PPM1B: variants seen among roughly 807,000 people sequenced by gnomAD.
The protein encoded by PPM1B is protein phosphatase 1B.
PPM1B carries 22 observed loss-of-function variants against 43.0 expected under a neutral mutation model. The observed-to-expected ratio is 0.51, with a 90% CI of 0.37 to 0.73. PPM1B has a LOEUF of 0.73. Ranked by LOEUF, PPM1B falls within the 30% of genes least tolerant of loss-of-function variation. PPM1B has a pLI of 0.00. For synonymous variants in PPM1B, 217 were observed against 197.9 expected (o/e 1.10, Z -0.81); for missense variants, 632 against 584.2 (o/e 1.08, Z -0.84).
At chr2:44,236,288 A>T (rs756821766), downstream of PPM1B, among the ~76,000 whole-genome samples, 4 of 151,352 alleles carry the variant, frequency 2.6e-5, no homozygotes, top group Non-Finnish European at 5.9e-5. Context: ...CTGTAGTCCT[A>T]GCTACTCGGG....
Position 44,169,147 on chromosome 2 carries a change from C to CGGCGGAGGT in PPM1B, c.-137_-136insAGGTGGCGG. 1 of 173,512 alleles carries CGGCGGAGGT rather than the reference C, an allele frequency of 5.8e-6. No homozygotes were observed. Among genetic ancestry groups the CGGCGGAGGT allele is most frequent in the Non-Finnish European group, 1.2e-5 (1 of 80,836 alleles). 10.7% of individuals were successfully genotyped at this position (173,512 alleles called of 1,614,324 possible). A position where few individuals can be genotyped will look rare whatever the true frequency, so the allele number is the denominator to read the frequency against. On this transcript the variant is annotated 5_prime_UTR_variant, in exon 1 of 6. Transcript: ENST00000282412. ...CGGGCGGTGTAAACAGCCCCGGAGG[C>CGGCGGAGGT]GGCGGTCGAGACCCCGAGGGGGAAG...
At chr2:44,195,883 G>C (rs759289887) in intron 1 of PPM1B, among the ~76,000 whole-genome samples, 78 of 152,294 alleles carry the variant, frequency 5.1e-4, no homozygotes, top group South Asian at 8.3e-4. Flanking sequence ...GCCTGACCGT[G>C]TTGAAATCCT....
intron 5 of PPM1B, among the ~76,000 whole-genome samples, chr2:44,223,845 G>A (rs7556994): frequency 4.8e-4 from 53 of 109,728 alleles, no homozygotes; most frequent in Non-Finnish European, 6.1e-4. Context: ...AAAAAAAAAA[G>A]AGAGAGAGAG....
At chr2:44,234,857 T>C (rs984736531), downstream of PPM1B, among the ~76,000 whole-genome samples, 1 of 152,220 alleles carries the variant, frequency 6.6e-6, no homozygotes, top group Non-Finnish European at 1.5e-5. Flanking sequence ...AATAATTGTC[T>C]TATAAGTTAG....
At chr2:44,178,462 A>G (rs1055255015) in intron 1 of PPM1B, among the ~76,000 whole-genome samples, 12 of 101,190 alleles carry the variant, frequency 1.2e-4, no homozygotes, top group African/African-American at 4.4e-4. Context: ...GTATATATAT[A>G]TATATATATA....
At chr2:44,190,795 A>G (rs983483480) in intron 1 of PPM1B, among the ~76,000 whole-genome samples, 38 of 152,304 alleles carry the variant, frequency 2.5e-4, no homozygotes, top group African/African-American at 8.7e-4. Flanking sequence ...TTGTTGACTA[A>G]GTTTTACTGT....
At chr2:44,235,932 A>G (rs912910669), downstream of PPM1B, among the ~76,000 whole-genome samples, 8 of 152,076 alleles carry the variant, frequency 5.3e-5, no homozygotes, top group African/African-American at 1.9e-4. Context: ...TATTAAAAAA[A>G]ACTCAAATTT....
At chr2:44,176,486 A>G (rs1667585726) in intron 1 of PPM1B, among the ~76,000 whole-genome samples, 1 of 152,136 alleles carries the variant, frequency 6.6e-6, no homozygotes, top group Non-Finnish European at 1.5e-5. Context: ...TATATTTATC[A>G]CTGCTTCTCC....
At chr2:44,209,393 C>G (rs766587210) in intron 3 of PPM1B, 66 bp downstream of exon 3, 1 of 1,538,690 alleles carries the variant, frequency 6.5e-7, no homozygotes, top group East Asian at 2.3e-5. Context: ...GTAATCCTAG[C>G]ACTTTTGTCG....
At chr2:44,207,888 CTTTTTT>C (rs569077342) in intron 2 of PPM1B, among the ~76,000 whole-genome samples, 10 of 97,402 alleles carry the variant, frequency 1.0e-4, no homozygotes, top group African/African-American at 2.7e-4. Context: ...TGGCTTTATG[CTTTTTT>C]TTTTTTTTTT....
At chr2:44,242,544 C>G (rs1444377130) in intron 5 of PPM1B, among the ~76,000 whole-genome samples, 1 of 152,046 alleles carries the variant, frequency 6.6e-6, no homozygotes, top group East Asian at 1.9e-4. Flanking sequence ...CCTAAATTGC[C>G]TTTCAGGAAG....
intron 1 of PPM1B, among the ~76,000 whole-genome samples, chr2:44,190,321 G>A (rs531736882): frequency 6.6e-6 from 1 of 151,862 alleles, no homozygotes; most frequent in Non-Finnish European, 1.5e-5. Context: ...CATCCAGCTA[G>A]TTTTTTTGTG....
intron 1 of PPM1B, among the ~76,000 whole-genome samples, chr2:44,169,706 C>G (rs1021939486): frequency 1.3e-5 from 2 of 152,238 alleles, no homozygotes; most frequent in African/African-American, 2.4e-5. Context: ...AGCTTCTGCC[C>G]TACTCTGCGC....
intron 1 of PPM1B, among the ~76,000 whole-genome samples, chr2:44,188,120 C>T (rs1284828985): frequency 1.3e-5 from 2 of 152,128 alleles, no homozygotes; most frequent in Non-Finnish European, 2.9e-5. Flanking sequence ...CTTTCAAAAA[C>T]CATCAAGAAT....
intron 1 of PPM1B, among the ~76,000 whole-genome samples, chr2:44,189,529 TCTC>T (rs201158974): frequency 0.029 from 4,438 of 152,256 alleles, 215 homozygotes; most frequent in African/African-American, 0.1. Flanking sequence ...AATGGCGCGA[TCTC>T]AGCTCACTGC....
chr2:44,172,735 C>G (rs1443391913), intron 1 of PPM1B, among the ~76,000 whole-genome samples: 1 of 151,964 alleles, frequency 6.6e-6, no homozygotes, highest in African/African-American at 2.4e-5. Flanking sequence ...CATAGCAAGA[C>G]CCTGTCTCTA....
intron 1 of PPM1B, among the ~76,000 whole-genome samples, chr2:44,187,415 A>T (rs1668175883): frequency 6.6e-6 from 1 of 152,160 alleles, no homozygotes; most frequent in African/African-American, 2.4e-5. Flanking sequence ...TCCCACTGTC[A>T]TTTTTTTGGA....
In PPM1B at chr2:44,170,984, T is replaced by C. The variant is rs192632958; in HGVS notation, c.-15+1710T>C. ...TCTTAATGGTTGTTGTGTTTTCGCC[T>C]CTTCATTTGTTTTTGCTCTCATGAA... On this transcript the variant is annotated intron_variant, in intron 1 of 5. Coordinates refer to ENST00000282412, the MANE Select transcript of PPM1B (RefSeq NM_002706.6). 1.4e-3 allele frequency among the ~76,000 whole-genome samples: 211 copies of C among 152,322 alleles called. 1 individual carries two copies. Among genetic ancestry groups the C allele is most frequent in the African/African-American group, 5.0e-3 (208 of 41,566 alleles).
intron 1 of PPM1B, among the ~76,000 whole-genome samples, chr2:44,182,107 C>T (rs1407895460): frequency 6.6e-6 from 1 of 152,126 alleles, no homozygotes; most frequent in African/African-American, 2.4e-5. Context: ...GCTAATTCTA[C>T]CACACAGGAC....
Sources: gnomAD v4.1 joint callset for allele counts (sites outside exome capture counted in the v4.1 genomes callset) on GRCh38, gnomAD v4.1.1 for gene constraint, MANE v1.5 for transcripts, NCBI Gene and HGNC (gene_info 2026-07-23, HGNC 2026-07-21) for gene names.